CADM2: variants seen among roughly 807,000 people sequenced by gnomAD.
CADM2 encodes immunoglobulin superfamily member 4D.
CADM2 carries 12 observed loss-of-function variants against 49.8 expected under a neutral mutation model. The observed-to-expected ratio is 0.24, with a 90% CI of 0.15 to 0.39. The LOEUF (loss-of-function observed/expected upper bound fraction) is 0.39. Among genes scored for constraint, CADM2 ranks in the 10% least tolerant of loss-of-function variants. The pLI, the probability that CADM2 is intolerant of heterozygous loss-of-function variation, is 1.00. For missense variants in CADM2, 378 were observed against 492.3 expected, an observed-to-expected ratio of 0.77 and a Z score of 2.20; for synonymous variants, 214 against 175.4, an observed-to-expected ratio of 1.22 and a Z score of -1.74.
chr3:85,176,266 C>A (rs940482425), intron 1 of CADM2, among the ~76,000 whole-genome samples: 1 of 152,130 alleles, frequency 6.6e-6, no homozygotes, highest in African/African-American at 2.4e-5. Context: ...TTCCAGCAGC[C>A]ATACCCTCTC....
chr3:85,576,059 C>A (rs1378839355), intron 1 of CADM2, among the ~76,000 whole-genome samples: 8 of 152,086 alleles, frequency 5.3e-5, no homozygotes, highest in African/African-American at 1.9e-4. Context: ...AAAGTTCACT[C>A]CATAAATGAT....
At chr3:85,471,605 T>C (rs2038768709) in intron 1 of CADM2, among the ~76,000 whole-genome samples, 2 of 152,142 alleles carry the variant, frequency 1.3e-5, no homozygotes, top group South Asian at 4.1e-4. Flanking sequence ...CATCTTCTGG[T>C]TAACAAAGAA....
intron 1 of CADM2, among the ~76,000 whole-genome samples, chr3:85,463,989 A>C (rs984339641): frequency 6.6e-6 from 1 of 152,190 alleles, no homozygotes; most frequent in African/African-American, 2.4e-5. Context: ...GAAAGATCAT[A>C]TATTGCTTTT....
chr3:85,904,097 C>G (rs1412729118), intron 5 of CADM2, among the ~76,000 whole-genome samples: 1 of 152,144 alleles, frequency 6.6e-6, no homozygotes, highest in Non-Finnish European at 1.5e-5. Context: ...TCCCCCAACT[C>G]TGTTCCAAAT....
At chr3:85,737,339 A>T (rs2068181152) in intron 2 of CADM2, among the ~76,000 whole-genome samples, 1 of 152,224 alleles carries the variant, frequency 6.6e-6, no homozygotes. Flanking sequence ...TATTAAAAAT[A>T]ACTTGTCAAG....
intron 1 of CADM2, among the ~76,000 whole-genome samples, chr3:85,179,952 G>A (rs1032345876): frequency 7.9e-5 from 12 of 152,024 alleles, no homozygotes; most frequent in Admixed American, 2.0e-4. Flanking sequence ...TACTAAGCAC[G>A]TATTATATGC....
chr3:85,940,037 A>T (rs1038357370), intron 7 of CADM2, among the ~76,000 whole-genome samples: 2 of 150,020 alleles, frequency 1.3e-5, no homozygotes, highest in Admixed American at 1.3e-4. Context: ...AAAAAAACAG[A>T]CAAAAGCCTG....
rs1181723084 is a variant in CADM2 at position 86,069,927 on chromosome 3, CAG to C, written c.*3147_*3148del. The C allele has an allele frequency of 6.6e-6, 1 of 151,722 alleles. No individual in the cohort carries two copies. Among genetic ancestry groups the C allele is most frequent in the African/African-American group, 2.4e-5 (1 of 41,382 alleles). The allele number at this position is 151,722 out of a possible 1,614,324, so 9.4% of individuals were successfully genotyped here. ...ATGTTTGTGAGTGCAAGATTAAAGA[CAG>C]AGCGCATGAGCAGAGTACTGATGGT... On this transcript the variant is annotated 3_prime_UTR_variant, in exon 10 of 10. Transcript: ENST00000383699.
intron 8 of CADM2, among the ~76,000 whole-genome samples, chr3:85,998,954 A>T (rs1729779807): frequency 6.6e-6 from 1 of 152,296 alleles, no homozygotes; most frequent in African/African-American, 2.4e-5. Context: ...TGATGCTAGG[A>T]TTTTAGCTTT....
At chr3:85,437,961 T>C (rs993283135) in intron 1 of CADM2, among the ~76,000 whole-genome samples, 5 of 152,062 alleles carry the variant, frequency 3.3e-5, no homozygotes, top group African/African-American at 1.2e-4. Flanking sequence ...AACCACTTGT[T>C]ACTTTATTGT....
At chr3:85,916,679 A>G (rs565999731) in intron 6 of CADM2, among the ~76,000 whole-genome samples, 83 of 152,110 alleles carry the variant, frequency 5.5e-4, no homozygotes, top group African/African-American at 1.9e-3. Context: ...TCCTTTGGGT[A>G]TATACCCAGT....
intron 1 of CADM2, among the ~76,000 whole-genome samples, chr3:85,308,358 GC>G (rs1275570062): frequency 6.9e-6 from 1 of 144,668 alleles, no homozygotes; most frequent in East Asian, 2.1e-4. Context: ...CATGTTACAA[GC>G]CTATAAATCC....
At chr3:85,727,268 A>G (rs764731729) in intron 2 of CADM2, among the ~76,000 whole-genome samples, 1 of 151,978 alleles carries the variant, frequency 6.6e-6, no homozygotes, top group Non-Finnish European at 1.5e-5. Context: ...AGCAAAAGAA[A>G]TTTTTTTCTC....
chr3:85,854,159 A>G (rs900876655), intron 3 of CADM2, among the ~76,000 whole-genome samples: 3 of 152,206 alleles, frequency 2.0e-5, no homozygotes, highest in Admixed American at 1.3e-4. Context: ...TATCCTGGCC[A>G]TTCAGTAAGT....
intron 1 of CADM2, among the ~76,000 whole-genome samples, chr3:85,109,586 T>G (rs771793037): frequency 9.9e-5 from 15 of 152,030 alleles, no homozygotes; most frequent in Admixed American, 3.3e-4. Context: ...ATGGAAACAA[T>G]AGCATCATTT....
At chr3:85,726,825 C>A (rs1293373138) in intron 2 of CADM2, among the ~76,000 whole-genome samples, 1 of 151,986 alleles carries the variant, frequency 6.6e-6, no homozygotes, top group African/African-American at 2.4e-5. Context: ...TTTGCACTAA[C>A]ATTTTGCATG....
intron 1 of CADM2, among the ~76,000 whole-genome samples, chr3:85,311,381 TA>T (rs1054595371): frequency 2.7e-5 from 4 of 149,270 alleles, no homozygotes; most frequent in African/African-American, 4.9e-5. Context: ...TTATTATTAT[TA>T]TTATTTTTTT....
chr3:85,347,510 TAC>T (rs1333434717), intron 1 of CADM2, among the ~76,000 whole-genome samples: 1 of 145,582 alleles, frequency 6.9e-6, no homozygotes, highest in Non-Finnish European at 1.5e-5. Flanking sequence ...TAAATATATA[TAC>T]ACACATATAT....
intron 1 of CADM2, among the ~76,000 whole-genome samples, chr3:85,512,770 A>G (rs961704118): frequency 2.1e-5 from 3 of 140,278 alleles, no homozygotes; most frequent in Non-Finnish European, 4.8e-5. Context: ...TCATACATAC[A>G]ACAGAAAAAA....
Sources: gnomAD v4.1 joint callset for allele counts (sites outside exome capture counted in the v4.1 genomes callset) on GRCh38, gnomAD v4.1.1 for gene constraint, MANE v1.5 for transcripts, NCBI Gene and HGNC (gene_info 2026-07-23, HGNC 2026-07-21) for gene names.